Variants in WWOX observed in about 807,000 individuals in gnomAD.
WWOX encodes WW domain-containing oxidoreductase.
WWOX carries 69 observed loss-of-function variants against 46.2 expected under a neutral mutation model. That is an observed-to-expected ratio of 1.49 (90% CI 1.23 to 1.82). The LOEUF is 1.82. Among genes scored for constraint, WWOX ranks in the 40% most tolerant of loss-of-function variants. The probability of loss-of-function intolerance (pLI) is 0.00; values close to 1 mark genes in which losing one functional copy is unlikely to be tolerated. For synonymous variants in WWOX, 359 were observed against 202.6 expected, an observed-to-expected ratio of 1.77 and a Z score of -6.56; for missense variants, 919 against 542.6, an observed-to-expected ratio of 1.69 and a Z score of -6.89.
intron 5 of WWOX, among the ~76,000 whole-genome samples, chr16:78,352,817 G>A (rs1318465520): frequency 1.3e-5 from 2 of 152,076 alleles, no homozygotes; most frequent in African/African-American, 4.8e-5. Flanking sequence ...TATGTCCTTG[G>A]AGTGTATAGC....
chr16:79,084,213 G>C (rs1226452182), intron 8 of WWOX, among the ~76,000 whole-genome samples: 1 of 152,132 alleles, frequency 6.6e-6, no homozygotes, highest in Non-Finnish European at 1.5e-5. Flanking sequence ...GTGCATATTT[G>C]CAAATGCATT....
intron 8 of WWOX, among the ~76,000 whole-genome samples, chr16:78,631,380 C>G (rs1475374681): frequency 2.0e-5 from 3 of 152,124 alleles, no homozygotes; most frequent in African/African-American, 4.8e-5. Flanking sequence ...CAAAACAGAA[C>G]TCAAACTGAC....
intron 8 of WWOX, among the ~76,000 whole-genome samples, chr16:78,675,242 C>G (rs973636707): frequency 6.6e-6 from 1 of 152,060 alleles, no homozygotes; most frequent in Admixed American, 6.6e-5. Context: ...CACGTGGAAT[C>G]AAGCAGAGAA....
At chr16:78,333,191 CAGGA>C (rs1263110104) in intron 5 of WWOX, among the ~76,000 whole-genome samples, 1 of 151,226 alleles carries the variant, frequency 6.6e-6, no homozygotes, top group East Asian at 2.0e-4. Flanking sequence ...GCTGGGACTA[CAGGA>C]GCATACTCCC....
intron 6 of WWOX, among the ~76,000 whole-genome samples, chr16:78,416,706 T>C (rs917383389): frequency 6.6e-6 from 1 of 152,242 alleles, no homozygotes; most frequent in African/African-American, 2.4e-5. Context: ...AGGCCTGTCT[T>C]AAAATTAGGT....
intron 8 of WWOX, among the ~76,000 whole-genome samples, chr16:79,162,356 G>C (rs8058030): frequency 0.026 from 3,893 of 152,268 alleles, 185 homozygotes; most frequent in African/African-American, 0.089. Flanking sequence ...AGGCCACGCA[G>C]ACCAGAGTTA....
intron 8 of WWOX, among the ~76,000 whole-genome samples, chr16:79,133,356 G>A (rs372848848): frequency 6.6e-6 from 1 of 152,106 alleles, no homozygotes; most frequent in South Asian, 2.1e-4. Context: ...AACATTAACG[G>A]GGAACCCAAT....
chr16:78,666,145 A>G (rs2047328042), intron 8 of WWOX, among the ~76,000 whole-genome samples: 1 of 151,898 alleles, frequency 6.6e-6, no homozygotes. Flanking sequence ...AAATTAGCCG[A>G]GTGTGGTGGT....
At chr16:79,186,364 C>T (rs1479317583) in intron 8 of WWOX, among the ~76,000 whole-genome samples, 3 of 152,202 alleles carry the variant, frequency 2.0e-5, no homozygotes, top group Non-Finnish European at 2.9e-5. Context: ...TCTCCTTGCT[C>T]CTCTCGCTTC....
chr16:78,911,695 A>G (rs2045115608), intron 8 of WWOX, among the ~76,000 whole-genome samples: 1 of 151,920 alleles, frequency 6.6e-6, no homozygotes, highest in African/African-American at 2.4e-5. Context: ...GTTAAACCCC[A>G]TCTCTACTAA....
intron 8 of WWOX, among the ~76,000 whole-genome samples, chr16:78,542,800 T>A (rs1490758926): frequency 6.6e-6 from 1 of 152,222 alleles, no homozygotes; most frequent in Non-Finnish European, 1.5e-5. Flanking sequence ...TGCTTTCGTT[T>A]CCTTTCTTTC....
intron 5 of WWOX, among the ~76,000 whole-genome samples, chr16:78,383,834 C>A (rs1013975578): frequency 1.3e-5 from 2 of 152,132 alleles, no homozygotes; most frequent in African/African-American, 4.8e-5. Context: ...AATCACTATC[C>A]CCAGGAGCCT....
intron 8 of WWOX, among the ~76,000 whole-genome samples, chr16:78,932,656 G>A (rs148355743): frequency 6.6e-6 from 1 of 152,332 alleles, no homozygotes; most frequent in East Asian, 1.9e-4. Flanking sequence ...GCGGCCTCTG[G>A]GGTGAATTCC....
At chr16:79,085,657 A>G (rs2048840982) in intron 8 of WWOX, among the ~76,000 whole-genome samples, 1 of 152,222 alleles carries the variant, frequency 6.6e-6, no homozygotes, top group African/African-American at 2.4e-5. Flanking sequence ...TATCATCTTT[A>G]TAATAACTGT....
intron 8 of WWOX, among the ~76,000 whole-genome samples, chr16:78,932,446 C>T (rs977090879): frequency 5.3e-5 from 8 of 152,168 alleles, no homozygotes; most frequent in African/African-American, 1.9e-4. Flanking sequence ...TTTCACTTTG[C>T]CCCTCAAAAT....
At chr16:79,065,258 A>T (rs144906824) in intron 8 of WWOX, among the ~76,000 whole-genome samples, 4 of 152,186 alleles carry the variant, frequency 2.6e-5, no homozygotes, top group Admixed American at 2.6e-4. Flanking sequence ...CTGAGATGAC[A>T]TTATGGCAGG....
rs796497177 is a variant in WWOX at position 79,044,134 on chromosome 16, T to C, written c.1057-167474T>C. On this transcript the variant is annotated intron_variant, in intron 8 of 8. Transcript: ENST00000566780. ...ATATAAGCAAAAGAAAAGGAACACG[T>C]ACTGGGAATCCCAAACAGCAAATGT... Among the ~76,000 whole-genome samples the C allele has an allele frequency of 5.4e-4, 83 of 152,300 alleles. 1 individual carries two copies. Among genetic ancestry groups the C allele is most frequent in the African/African-American group, 1.9e-3 (81 of 41,570 alleles).
chr16:78,885,793 T>G (rs913920133), intron 8 of WWOX, among the ~76,000 whole-genome samples: 13 of 152,146 alleles, frequency 8.5e-5, no homozygotes, highest in Middle Eastern at 3.2e-3. Flanking sequence ...ATCGGATTCT[T>G]CCCCCTTCTT....
intron 5 of WWOX, among the ~76,000 whole-genome samples, chr16:78,215,071 A>T (rs1467639577): frequency 1.3e-5 from 2 of 152,112 alleles, no homozygotes; most frequent in Non-Finnish European, 2.9e-5. Flanking sequence ...TAGATGTAGG[A>T]TATTGCTGGG....
Sources: allele counts gnomAD v4.1 joint callset (sites outside exome capture counted in the v4.1 genomes callset), GRCh38; gene constraint gnomAD v4.1.1; transcripts MANE v1.5; gene names NCBI Gene and HGNC (gene_info 2026-07-23, HGNC 2026-07-21).